THSD7B: variants seen among roughly 807,000 people sequenced by gnomAD.
The protein encoded by THSD7B is thrombospondin type-1 domain-containing protein 7B.
Under a neutral mutation model 213.6 loss-of-function variants are expected in THSD7B, and 138 were observed. The ratio of observed to expected loss-of-function variants is 0.65; its 90% confidence interval spans 0.56 to 0.74. THSD7B has a LOEUF of 0.74. Among genes scored for constraint, THSD7B ranks in the 30% least tolerant of loss-of-function variants. The probability of loss-of-function intolerance (pLI) is 0.00; values close to 1 mark genes in which losing one functional copy is unlikely to be tolerated. For synonymous variants in THSD7B, 742 were observed against 687.0 expected (o/e 1.08, Z -1.25); for missense variants, 1,931 against 1,991.5 (o/e 0.97, Z 0.58).
intron 1 of THSD7B, among the ~76,000 whole-genome samples, chr2:136,807,508 C>CTTTTTTTTTTTTTTTTTTTTT (rs1314267493): frequency 2.0e-5 from 1 of 49,564 alleles, no homozygotes; most frequent in African/African-American, 8.4e-5. Flanking sequence ...CAAAATGTTT[C>CTTTTTTTTTTTTTTTTTTTTT]GTTTTTTTTT....
At chr2:137,303,587 C>G (rs1175364663) in intron 12 of THSD7B, among the ~76,000 whole-genome samples, 2 of 148,812 alleles carry the variant, frequency 1.3e-5, no homozygotes, top group Non-Finnish European at 3.0e-5. Flanking sequence ...ACTGTAATTG[C>G]ATGATTCTTT....
intron 15 of THSD7B, among the ~76,000 whole-genome samples, chr2:137,542,299 C>T (rs1350086432): frequency 6.6e-6 from 1 of 151,598 alleles, no homozygotes; most frequent in African/African-American, 2.4e-5. Flanking sequence ...ATTAGGAAGG[C>T]AAATTTAAAA....
At chr2:137,285,879 G>A (rs1199436496) in intron 12 of THSD7B, among the ~76,000 whole-genome samples, 5 of 151,840 alleles carry the variant, frequency 3.3e-5, no homozygotes, top group African/African-American at 4.8e-5. Flanking sequence ...TGAGGTGGGC[G>A]GATCACCTGA....
At position 136,848,197 on chromosome 2, in the gene THSD7B, A is replaced by G. The variant is rs79436945; in HGVS notation, c.-35-33947A>G. Among the ~76,000 whole-genome samples the G allele has an allele frequency of 4.0e-3, 604 of 152,302 alleles. 21 individuals carry two copies. In the East Asian group the frequency reaches 0.086, roughly 22 times the overall value. On this transcript the variant is annotated intron_variant, in intron 1 of 27. Transcript: ENST00000409968. ...CTCTGTCAAATGTGGTCAGAGCACT[A>G]CAGATAACACTGTGCTAGTCTCCTC...
intron 12 of THSD7B, among the ~76,000 whole-genome samples, chr2:137,378,828 C>T (rs1685716463): frequency 6.6e-6 from 1 of 152,170 alleles, no homozygotes; most frequent in Non-Finnish European, 1.5e-5. Context: ...CCTAGCATTC[C>T]CTCCTGGACT....
At chr2:137,599,068 A>G (rs371709101) in intron 17 of THSD7B, among the ~76,000 whole-genome samples, 5 of 124,738 alleles carry the variant, frequency 4.0e-5, no homozygotes, top group East Asian at 4.9e-4. Context: ...AGAGTGTGGT[A>G]TTCCCCTTCA....
intron 2 of THSD7B, among the ~76,000 whole-genome samples, chr2:136,897,060 C>G (rs1434000023): frequency 6.6e-6 from 1 of 152,024 alleles, no homozygotes; most frequent in Non-Finnish European, 1.5e-5. Flanking sequence ...ATCCTTCTAC[C>G]TCAGCCTCCC....
At chr2:137,415,606 C>T (rs6747559) in intron 14 of THSD7B, among the ~76,000 whole-genome samples, 118,615 of 150,148 alleles carry the variant, frequency 0.79, 50,096 homozygotes, top group Non-Finnish European at 0.93. Flanking sequence ...CAAAATATCC[C>T]GTGACAAAAT....
intron 15 of THSD7B, among the ~76,000 whole-genome samples, chr2:137,473,332 G>A (rs1688129015): frequency 6.6e-6 from 1 of 151,826 alleles, no homozygotes. Context: ...CCATTCTCCT[G>A]CCTCAGCCTC....
chr2:137,149,279 G>A (rs1024086788), intron 5 of THSD7B, among the ~76,000 whole-genome samples: 9 of 152,174 alleles, frequency 5.9e-5, no homozygotes, highest in Non-Finnish European at 1.2e-4. Context: ...GGATGTCCAG[G>A]CAGAAGTTTT....
intron 15 of THSD7B, among the ~76,000 whole-genome samples, chr2:137,522,334 C>T (rs940857502): frequency 1.3e-5 from 2 of 152,168 alleles, no homozygotes; most frequent in African/African-American, 4.8e-5. Context: ...TCTTTTGTAA[C>T]ATGAGTGAGT....
At chr2:136,813,908 C>T (rs905507303) in intron 1 of THSD7B, among the ~76,000 whole-genome samples, 2 of 152,136 alleles carry the variant, frequency 1.3e-5, no homozygotes, top group Non-Finnish European at 2.9e-5. Flanking sequence ...AAGTGATGCC[C>T]ATTTTATATG....
rs1681373543 is a variant in THSD7B at position 137,572,422 on chromosome 2, GA to G, written c.3290del (p.Asp1097ValfsTer60). 6.2e-7 allele frequency: 1 copy of G among 1,613,770 alleles called. No homozygotes were observed. The highest frequency in any genetic ancestry group is 8.5e-7 in the Non-Finnish European group (1 of 1,179,820). ...GCTTTACAGATGTGTGAATACTGCG[GA>G]TGGTGAAGGTGGAGCAGTGGATAGC... ...SRKIRCVNTA[D>X]GEGGAVDSNL... On this transcript the variant is annotated frameshift_variant, in exon 17 of 28. Coordinates refer to ENST00000409968, the MANE Select transcript of THSD7B (RefSeq NM_001316349.2). LOFTEE classifies it high-confidence loss of function.
chr2:136,939,587 G>T lies in THSD7B; in HGVS notation c.139+57270G>T, dbSNP rs564044446. ...GAATTCCAATCCAGAACTATCCCCT[G>T]AGCCTCAGCTCTTTCCTGTCTCTTC... On this transcript the variant is annotated intron_variant, in intron 2 of 27. Coordinates refer to ENST00000409968, the MANE Select transcript of THSD7B (RefSeq NM_001316349.2). Among the ~76,000 whole-genome samples the T allele has an allele frequency of 1.5e-4, 23 of 152,220 alleles. No homozygotes were observed. In the East Asian group the frequency reaches 4.3e-3, roughly 28 times the overall value.
intron 12 of THSD7B, among the ~76,000 whole-genome samples, chr2:137,383,554 G>A (rs961630217): frequency 6.6e-5 from 10 of 152,198 alleles, no homozygotes; most frequent in African/African-American, 1.9e-4. Flanking sequence ...GTGACTCAGC[G>A]AGTTTGGAGC....
chr2:137,377,635 T>G (rs1558775823), intron 12 of THSD7B, among the ~76,000 whole-genome samples: 1 of 151,888 alleles, frequency 6.6e-6, no homozygotes, highest in South Asian at 2.1e-4. Flanking sequence ...AAATTCACTT[T>G]TTTTTTTTTG....
chr2:137,434,997 C>A (rs1245624015), intron 14 of THSD7B, among the ~76,000 whole-genome samples: 4 of 152,110 alleles, frequency 2.6e-5, no homozygotes. Flanking sequence ...ATTGAAAATA[C>A]TTTACTTTTT....
Position 136,798,067 on chromosome 2 carries a change from T to C in THSD7B, c.-36+32380T>C, listed in dbSNP as rs1490234291. 2.6e-5 allele frequency among the ~76,000 whole-genome samples: 4 copies of C among 151,868 alleles called. No individual in the cohort carries two copies. The East Asian group carries it at 7.8e-4, about 29-fold the overall frequency. Reference sequence around the variant, plus strand: ...CTCTCTCTTATGACCATTTCCTACTTGGATGAGCATTTCTTGGGCCCTTAC... The same window carrying C: ...CTCTCTCTTATGACCATTTCCTACTCGGATGAGCATTTCTTGGGCCCTTAC... On this transcript the variant is annotated intron_variant, in intron 1 of 27. Transcript: ENST00000409968.
chr2:137,057,287 TTA>T (rs1687188865), intron 3 of THSD7B, 57 bp downstream of exon 3: 1 of 1,400,134 alleles, frequency 7.1e-7, no homozygotes, highest in Middle Eastern at 1.8e-4. Flanking sequence ...TAGTGCAACT[TTA>T]TAAAGCTTCT....
Sources: gnomAD v4.1 joint callset for allele counts (sites outside exome capture counted in the v4.1 genomes callset) on GRCh38, gnomAD v4.1.1 for gene constraint, MANE v1.5 for transcripts, NCBI Gene and HGNC (gene_info 2026-07-23, HGNC 2026-07-21) for gene names.